Variants in CTNND2 observed in about 807,000 individuals in gnomAD.
CTNND2 encodes catenin delta 2.
A neutral mutation model predicts 144.4 loss-of-function variants in CTNND2; 22 were observed. That is an observed-to-expected ratio of 0.15 (90% confidence interval 0.11 to 0.22). The LOEUF is 0.22. Ranked by LOEUF, CTNND2 falls within the 10% of genes least tolerant of loss-of-function variation. CTNND2 has a pLI of 1.00. For synonymous variants in CTNND2, 751 were observed against 695.6 expected (o/e 1.08, Z -1.25); for missense variants, 1,353 against 1,618.8 (o/e 0.84, Z 2.82).
At chr5:11,505,962 C>G (rs1246697163) in intron 3 of CTNND2, among the ~76,000 whole-genome samples, 1 of 152,188 alleles carries the variant, frequency 6.6e-6, no homozygotes, top group African/African-American at 2.4e-5. Context: ...TCCTTCCCTG[C>G]AGCCTCTTCT....
At chr5:11,022,535 T>G (rs1056926251) in intron 17 of CTNND2, among the ~76,000 whole-genome samples, 4 of 152,128 alleles carry the variant, frequency 2.6e-5, no homozygotes. Context: ...TGTATCCAGG[T>G]TGAACTCGTG....
At chr5:11,083,605 C>T (rs1749828537) in intron 15 of CTNND2, among the ~76,000 whole-genome samples, 1 of 152,212 alleles carries the variant, frequency 6.6e-6, no homozygotes, top group Admixed American at 6.5e-5. Context: ...ATTCACTTAA[C>T]AGAATGCAGG....
intron 9 of CTNND2, among the ~76,000 whole-genome samples, chr5:11,325,745 T>C (rs541182538): frequency 6.6e-6 from 1 of 152,134 alleles, no homozygotes; most frequent in South Asian, 2.1e-4. Context: ...AAGGGCTAAA[T>C]AGAAACCAGT....
At chr5:11,631,992 T>C (rs1241560495) in intron 2 of CTNND2, among the ~76,000 whole-genome samples, 1 of 152,182 alleles carries the variant, frequency 6.6e-6, no homozygotes, top group Non-Finnish European at 1.5e-5. Context: ...TTAATGGGAA[T>C]GGCTATATTT....
chr5:11,583,235 T>C (rs982120739), intron 2 of CTNND2, among the ~76,000 whole-genome samples: 9 of 152,316 alleles, frequency 5.9e-5, no homozygotes, highest in African/African-American at 1.9e-4. Context: ...GTATCCACCA[T>C]CATCCTGAGC....
At chr5:11,518,082 G>A (rs1051953395) in intron 3 of CTNND2, among the ~76,000 whole-genome samples, 10 of 152,220 alleles carry the variant, frequency 6.6e-5, no homozygotes, top group East Asian at 1.9e-4. Flanking sequence ...GTCACACGAC[G>A]TCACATAACA....
intron 1 of CTNND2, among the ~76,000 whole-genome samples, chr5:11,845,451 G>C (rs1276849169): frequency 6.6e-6 from 1 of 152,144 alleles, no homozygotes; most frequent in African/African-American, 2.4e-5. Flanking sequence ...GGTCATACTG[G>C]AGTAGGATAG....
chr5:11,524,153 C>A (rs1348565191), intron 3 of CTNND2, among the ~76,000 whole-genome samples: 1 of 152,062 alleles, frequency 6.6e-6, no homozygotes, highest in Non-Finnish European at 1.5e-5. Flanking sequence ...ATCTGTGATC[C>A]CCTCACTGCA....
chr5:11,876,965 T>G (rs77727150), intron 1 of CTNND2, among the ~76,000 whole-genome samples: 2 of 152,180 alleles, frequency 1.3e-5, no homozygotes, highest in Non-Finnish European at 2.9e-5. Context: ...GTAAATATTA[T>G]CTGCACATAG....
Position 11,551,870 on chromosome 5 carries a change from GGATTACAGGTGT to G in CTNND2, c.287+13062_287+13073del, listed in dbSNP as rs1318584113. On this transcript the variant is annotated intron_variant, in intron 3 of 21. Transcript: ENST00000304623. ...CCCACCTCAGCCTCCCAAAGTGCTG[GGATTACAGGTGT>G]GAGCCACCACGCCTGGCGTTTTTCA... is the stretch of plus-strand genomic sequence containing the variant. Among the ~76,000 whole-genome samples the G allele has an allele frequency of 2.0e-5, 3 of 152,116 alleles. No individual in the cohort carries two copies. In the East Asian group the frequency reaches 5.8e-4, roughly 29 times the overall value.
At chr5:11,457,515 T>A (rs1343576242) in intron 3 of CTNND2, among the ~76,000 whole-genome samples, 1 of 152,174 alleles carries the variant, frequency 6.6e-6, no homozygotes, top group African/African-American at 2.4e-5. Context: ...TTGTTCAATG[T>A]CACAGAGCCA....
At chr5:11,721,617 T>G (rs1316760699) in intron 2 of CTNND2, among the ~76,000 whole-genome samples, 4 of 152,216 alleles carry the variant, frequency 2.6e-5, no homozygotes, top group Non-Finnish European at 5.9e-5. Flanking sequence ...TAGCTGGGGC[T>G]CGGGGCTCCA....
intron 8 of CTNND2, among the ~76,000 whole-genome samples, chr5:11,349,074 C>T (rs983521702): frequency 6.6e-6 from 1 of 152,066 alleles, no homozygotes; most frequent in African/African-American, 2.4e-5. Context: ...ACAGATTTAC[C>T]GAGCTCTCCA....
intron 12 of CTNND2, 30 bp from the exon 13 acceptor site, chr5:11,117,597 T>C: frequency 1.3e-6 from 2 of 1,557,788 alleles, no homozygotes; most frequent in South Asian, 1.1e-5. Context: ...GTCAGCGATC[T>C]TCACGGTTGT....
At chr5:11,840,302 T>C (rs886714510) in intron 1 of CTNND2, among the ~76,000 whole-genome samples, 1 of 152,172 alleles carries the variant, frequency 6.6e-6, no homozygotes, top group Non-Finnish European at 1.5e-5. Flanking sequence ...ATAAATAATG[T>C]TTCTTTGTCA....
intron 1 of CTNND2, among the ~76,000 whole-genome samples, chr5:11,877,456 C>A (rs1735647983): frequency 6.6e-6 from 1 of 152,044 alleles, no homozygotes; most frequent in Admixed American, 6.6e-5. Context: ...TAAGAGTAAA[C>A]TTCTTAGAAT....
At chr5:11,146,429 T>C (rs10067783) in intron 12 of CTNND2, among the ~76,000 whole-genome samples, 95,924 of 151,990 alleles carry the variant, frequency 0.63, 30,298 homozygotes, top group East Asian at 0.73. Flanking sequence ...AGCTTCGAAT[T>C]TTGGTTTGTG....
chr5:11,152,969 A>T (rs1176537520), intron 12 of CTNND2, among the ~76,000 whole-genome samples: 3 of 152,110 alleles, frequency 2.0e-5, no homozygotes, highest in Non-Finnish European at 4.4e-5. Flanking sequence ...CTGGATTAAG[A>T]GTGCTGAATT....
At chr5:11,749,964 A>G (rs1788522942) in intron 1 of CTNND2, among the ~76,000 whole-genome samples, 1 of 151,960 alleles carries the variant, frequency 6.6e-6, no homozygotes, top group African/African-American at 2.4e-5. Flanking sequence ...TAAGTTTCCA[A>G]TGACTAATTT....
Sources: gnomAD v4.1 joint callset for allele counts (sites outside exome capture counted in the v4.1 genomes callset) on GRCh38, gnomAD v4.1.1 for gene constraint, MANE v1.5 for transcripts, NCBI Gene and HGNC (gene_info 2026-07-23, HGNC 2026-07-21) for gene names.